C11orf58: variants seen among roughly 807,000 people sequenced by gnomAD.
The protein encoded by C11orf58 is chromosome 11 open reading frame 58, also known as small acidic protein.
Under a neutral mutation model 22.7 loss-of-function variants are expected in C11orf58, and 5 were observed. The observed-to-expected ratio is 0.22, with a 90% CI of 0.12 to 0.46. The LOEUF (loss-of-function observed/expected upper bound fraction) is 0.46, where lower values mean the gene tolerates loss of function less well. Ranked by LOEUF, C11orf58 falls within the 20% of genes least tolerant of loss-of-function variation. C11orf58 has a pLI of 0.99. For missense variants in C11orf58, 151 were observed against 223.3 expected (o/e 0.68, Z 2.06); for synonymous variants, 71 against 70.7 (o/e 1.00, Z -0.02).
In C11orf58 at chr11:16,757,842, TCTC is replaced by T. The variant is rs1268409041; in HGVS notation, c.*2739_*2741del. ...TTGTATTCATAGGCAAAAGTCCTCT[TCTC>T]TAGTATAATTTTTTAAATCTGAGAG... On this transcript the variant is annotated 3_prime_UTR_variant, in exon 5 of 5. Transcript: ENST00000228136. Among the ~76,000 whole-genome samples, 2 of 152,218 alleles carry T rather than the reference TCTC, an allele frequency of 1.3e-5. No individual in the cohort carries two copies. Among genetic ancestry groups the T allele is most frequent in the African/African-American group, 2.4e-5 (1 of 41,464 alleles).
chr11:16,745,884 A>ATT (rs1365485190), intron 2 of C11orf58, among the ~76,000 whole-genome samples: 2 of 152,244 alleles, frequency 1.3e-5, no homozygotes, highest in Non-Finnish European at 2.9e-5. Flanking sequence ...TTTTAAGCAC[A>ATT]TTAAAATGAA....
At chr11:16,743,588 TTC>T (rs1418403030) in intron 1 of C11orf58, among the ~76,000 whole-genome samples, 1 of 152,230 alleles carries the variant, frequency 6.6e-6, no homozygotes, top group African/African-American at 2.4e-5. Flanking sequence ...TGTCAGTTTT[TTC>T]TCTTTGCCAT....
intron 2 of C11orf58, among the ~76,000 whole-genome samples, chr11:16,746,341 A>T (rs1164326647): frequency 6.6e-6 from 1 of 152,194 alleles, no homozygotes; most frequent in Non-Finnish European, 1.5e-5. Flanking sequence ...CTCTTGTTTC[A>T]TGCAAATATA....
intron 3 of C11orf58, 40 bp from the exon 4 acceptor site, chr11:16,752,745 A>T: frequency 7.1e-7 from 1 of 1,399,590 alleles, no homozygotes; most frequent in Non-Finnish European, 1.0e-6. Flanking sequence ...GTAAATTATT[A>T]ATTTGACTGA....
At chr11:16,751,537 T>C (rs1250568692) in intron 3 of C11orf58, 2 of 151,596 alleles carry the variant, frequency 1.3e-5, no homozygotes, top group South Asian at 2.1e-4. Flanking sequence ...GTGTGACATA[T>C]TCAATCTGTC....
rs1473319731 is a variant in C11orf58, at chr11:16,755,794, T to TA, written c.*690_*691insA. The TA allele has an allele frequency of 5.3e-5, 8 of 152,352 alleles. No individual in the cohort carries two copies. The highest frequency in any genetic ancestry group is 1.0e-4 in the Non-Finnish European group (7 of 68,022). 9.4% of individuals were successfully genotyped at this position (152,352 alleles called of 1,614,324 possible). ...AAGAAATTCTCTGATCATTTAGTTC[T>TA]GTCTATTTAGAAATATGTAAAACTG... On this transcript the variant is annotated 3_prime_UTR_variant, in exon 5 of 5. Transcript: ENST00000228136.
Position 16,756,557 on chromosome 11 carries a change from C to T in C11orf58, c.*1453C>T, listed in dbSNP as rs1848579198. ...GTGCTGGGATTACAGGCGTGAGCCA[C>T]CACGCCCAGCCTTGGAGTGTTGGAA... On this transcript the variant is annotated 3_prime_UTR_variant, in exon 5 of 5. Coordinates refer to ENST00000228136, the MANE Select transcript of C11orf58 (RefSeq NM_014267.6). Among the ~76,000 whole-genome samples, 1 of 151,298 alleles carries T rather than the reference C, an allele frequency of 6.6e-6. No individual in the cohort carries two copies.
intron 1 of C11orf58, 92 bp from the exon 2 acceptor site, chr11:16,744,509 G>C (rs1456214064): frequency 5.2e-6 from 5 of 966,678 alleles, no homozygotes; most frequent in Non-Finnish European, 8.0e-6. Context: ...CAACTGACAG[G>C]GGAAAAAAAC....
At position 16,756,593 on chromosome 11, in the gene C11orf58, T is replaced by C. The variant is rs1320660528; in HGVS notation, c.*1489T>C. Among the ~76,000 whole-genome samples, 1 of 151,254 alleles carries C rather than the reference T, an allele frequency of 6.6e-6. No homozygotes were observed. Among genetic ancestry groups the C allele is most frequent in the Non-Finnish European group, 1.5e-5 (1 of 67,824 alleles). On this transcript the variant is annotated 3_prime_UTR_variant, in exon 5 of 5. Coordinates refer to ENST00000228136, the MANE Select transcript of C11orf58 (RefSeq NM_014267.6). ...CTTGGAGTGTTGGAATTTTTAAAAA[T>C]TATTCTTATGTCACTTTGAAATGTA... is the stretch of plus-strand genomic sequence containing the variant.
At chr11:16,743,332 T>C (rs1848462608) in intron 1 of C11orf58, among the ~76,000 whole-genome samples, 1 of 152,238 alleles carries the variant, frequency 6.6e-6, no homozygotes, top group African/African-American at 2.4e-5. Flanking sequence ...TCCTGGCTCT[T>C]ACTGTGAAAT....
chr11:16,741,325 T>C (rs888132932), intron 1 of C11orf58, among the ~76,000 whole-genome samples: 2 of 152,196 alleles, frequency 1.3e-5, no homozygotes, highest in African/African-American at 4.8e-5. Context: ...AGGTTATGTA[T>C]TGAGGAGGTA....
chr11:16,741,071 GGGC>G (rs1848444022), intron 1 of C11orf58, among the ~76,000 whole-genome samples: 1 of 150,098 alleles, frequency 6.7e-6, no homozygotes, highest in African/African-American at 2.5e-5. Flanking sequence ...ACTCCAGCCT[GGGC>G]GACAGAGCGA....
At chr11:16,743,819 AAAAC>A (rs1342537077) in intron 1 of C11orf58, among the ~76,000 whole-genome samples, 3 of 146,782 alleles carry the variant, frequency 2.0e-5, no homozygotes, top group Non-Finnish European at 4.4e-5. Flanking sequence ...AAACTATTAA[AAAAC>A]AACAGTTTTT....
chr11:16,744,471 C>G, intron 1 of C11orf58, 130 bp from the exon 2 acceptor site: 1 of 674,350 alleles, frequency 1.5e-6, no homozygotes, highest in Non-Finnish European at 2.6e-6. Context: ...ACTTCCTAAG[C>G]AAGAAAAATG....
chr11:16,738,997 C>T (rs571010015), intron 1 of C11orf58, among the ~76,000 whole-genome samples, 156 bp downstream of exon 1: 10 of 152,202 alleles, frequency 6.6e-5, no homozygotes, highest in African/African-American at 2.4e-4. Flanking sequence ...CTCCCTTAAT[C>T]TTTATGAGGG....
chr11:16,749,138 A>G (rs1015794070), intron 3 of C11orf58: 3 of 152,218 alleles, frequency 2.0e-5, no homozygotes, highest in African/African-American at 7.2e-5. Context: ...ACTGAAAATG[A>G]ATTTGGGTAT....
At chr11:16,739,507 G>A (rs964956632) in intron 1 of C11orf58, 3 of 152,354 alleles carry the variant, frequency 2.0e-5, no homozygotes, top group African/African-American at 7.2e-5. Flanking sequence ...TCACCTCATA[G>A]GTTTTAATAG....
chr11:16,754,720 CTCTT>C, intron 4 of C11orf58, 147 bp from the exon 5 acceptor site: 1 of 1,294,686 alleles, frequency 7.7e-7, no homozygotes. Context: ...CCAGACAGAG[CTCTT>C]TCTTAAAATT....
chr11:16,749,364 G>C (rs1037300513), intron 3 of C11orf58: 6 of 152,124 alleles, frequency 3.9e-5, no homozygotes, highest in African/African-American at 1.4e-4. Flanking sequence ...ACTTCAAATT[G>C]ATTTGTATTG....
Sources: allele counts gnomAD v4.1 joint callset (sites outside exome capture counted in the v4.1 genomes callset), GRCh38; gene constraint gnomAD v4.1.1; transcripts MANE v1.5; gene names NCBI Gene and HGNC (gene_info 2026-07-23, HGNC 2026-07-21).